Variants in AMY1A observed in about 807,000 individuals in gnomAD.
AMY1A encodes the protein amylase alpha 1A, also known as alpha-amylase 1A.
In AMY1A, 3 loss-of-function variants were observed where a neutral mutation model predicts 13.5. That is an observed-to-expected ratio of 0.22 (90% CI 0.10 to 0.57). The LOEUF is 0.57. AMY1A is among the 20% of genes least tolerant of loss of function. AMY1A has a pLI of 0.92. For missense variants in AMY1A, 9 were observed against 101.2 expected (o/e 0.09, Z 3.91); for synonymous variants, 3 against 29.4 (o/e 0.10, Z 2.90).
chr1:103,662,185 G>A (rs1295598861), intron 8 of AMY1A, among the ~76,000 whole-genome samples: 59 of 129,258 alleles, frequency 4.6e-4, no homozygotes, highest in Non-Finnish European at 8.5e-5. Context: ...CAGCTGACCT[G>A]AGGAGTTCAA....
At chr1:103,662,256 T>C (rs1267841140) in intron 8 of AMY1A, among the ~76,000 whole-genome samples, 1 of 137,758 alleles carries the variant, frequency 7.3e-6, no homozygotes, top group African/African-American at 2.6e-5. Flanking sequence ...AAAAAAAAAA[T>C]TAGCTGGGTG....
At chr1:103,660,506 T>C in intron 7 of AMY1A, 24 bp downstream of exon 7, 4 of 1,404,208 alleles carry the variant, frequency 2.8e-6, no homozygotes, top group South Asian at 1.3e-5. Flanking sequence ...TTCTCTATTT[T>C]TTTAACACCT....
intron 8 of AMY1A, among the ~76,000 whole-genome samples, chr1:103,662,189 A>G (rs1653424858): frequency 7.7e-6 from 1 of 129,880 alleles, no homozygotes; most frequent in South Asian, 2.5e-4. Flanking sequence ...TGACCTGAGG[A>G]GTTCAAGACC....
At chr1:103,662,373 C>A (rs1258073932) in intron 8 of AMY1A, among the ~76,000 whole-genome samples, 8 of 99,050 alleles carry the variant, frequency 8.1e-5, no homozygotes, top group African/African-American at 2.3e-4. Flanking sequence ...CCACTGTACT[C>A]CAGCCTGGGT....
chr1:103,660,526 A>C lies in AMY1A; in HGVS notation c.1001+44A>C, dbSNP rs375249324. ...TATTTTTTTAACACCTCTTTTAATGATGGTATGAATATTGTGATATTCTAT... is the reference window on the plus strand; with the variant it reads ...TATTTTTTTAACACCTCTTTTAATGCTGGTATGAATATTGTGATATTCTAT... On this transcript the variant is annotated intron_variant, in intron 7 of 10. Transcript: ENST00000370083. 1.1e-5 allele frequency: 16 copies of C among 1,397,256 alleles called. 3 individuals carry two copies. The highest frequency in any genetic ancestry group is 1.5e-5 in the Non-Finnish European group (16 of 1,035,362). The allele number at this position is 1,397,256 out of a possible 1,614,324, so 86.6% of individuals were successfully genotyped here. A position where few individuals can be genotyped will look rare whatever the true frequency, so the allele number is the denominator to read the frequency against.
chr1:103,663,981 C>T, intron 10 of AMY1A, among the ~76,000 whole-genome samples: 1 of 39,500 alleles, frequency 2.5e-5, no homozygotes. Flanking sequence ...AAAATAATAC[C>T]CTTTAAATTT....
chr1:103,660,508 T>C, intron 7 of AMY1A, 26 bp downstream of exon 7: 1 of 1,403,744 alleles, frequency 7.1e-7, no homozygotes, highest in Non-Finnish European at 9.6e-7. Flanking sequence ...CTCTATTTTT[T>C]TAACACCTCT....
intron 8 of AMY1A, among the ~76,000 whole-genome samples, chr1:103,662,215 G>A (rs1653425582): frequency 7.4e-6 from 1 of 134,772 alleles, no homozygotes; most frequent in African/African-American, 2.6e-5. Flanking sequence ...GGGCAAGCTA[G>A]CAAGACCTTG....
chr1:103,662,308 G>A (rs1315231919), intron 8 of AMY1A, among the ~76,000 whole-genome samples: 4 of 131,444 alleles, frequency 3.0e-5, no homozygotes, highest in Non-Finnish European at 5.0e-5. Context: ...GGGAGGCTGA[G>A]ATGGGAGGTT....
rs1335919571 is a variant in AMY1A, at chr1:103,660,540, G to A, written c.1002-37G>A. On this transcript the variant is annotated intron_variant, in intron 7 of 10. Coordinates refer to ENST00000370083, the MANE Select transcript of AMY1A (RefSeq NM_004038.4). ...CTCTTTTAATGATGGTATGAATATT[G>A]TGATATTCTATGATAATATAATTAT... is the stretch of plus-strand genomic sequence containing the variant. 2.2e-6 allele frequency: 3 copies of A among 1,373,900 alleles called. 1 individual carries two copies. Among genetic ancestry groups the A allele is most frequent in the Non-Finnish European group, 2.9e-6 (3 of 1,018,464 alleles). The allele number at this position is 1,373,900 out of a possible 1,614,324, so 85.1% of individuals were successfully genotyped here.
At chr1:103,660,851 T>A (rs1653404251) in intron 8 of AMY1A, among the ~76,000 whole-genome samples, 175 bp downstream of exon 8, 1 of 99,476 alleles carries the variant, frequency 1.0e-5, no homozygotes, top group Non-Finnish European at 2.3e-5. Context: ...ATAAACTTTA[T>A]ATTCTCCATT....
chr1:103,660,484 T>TA lies in AMY1A; in HGVS notation c.1001+8dup, dbSNP rs775920485. On this transcript the variant is annotated splice_region_variant and intron_variant, in intron 7 of 10. Coordinates refer to ENST00000370083, the MANE Select transcript of AMY1A (RefSeq NM_004038.4). ...TATACTTACCTTCTGGGATGCTAGG[T>TA]AAAAAACCAAGTTCTCTATTTTTTT... 4.3e-6 allele frequency: 6 copies of TA among 1,406,088 alleles called. 3 individuals are homozygous for TA. The highest frequency in any genetic ancestry group is 1.9e-6 in the Non-Finnish European group (2 of 1,039,844). 87.1% of individuals were successfully genotyped at this position (1,406,088 alleles called of 1,614,324 possible).
intron 8 of AMY1A, among the ~76,000 whole-genome samples, chr1:103,662,096 A>G (rs1434838008): frequency 1.2e-5 from 1 of 85,330 alleles, no homozygotes; most frequent in Non-Finnish European, 2.5e-5. Flanking sequence ...GCTTACAGTG[A>G]TGTTAAGAAG....
Position 103,660,849 on chromosome 1 carries a change from TA to T in AMY1A, c.1101+174del, listed in dbSNP as rs1653404199. On this transcript the variant is annotated intron_variant, in intron 8 of 10. Coordinates refer to ENST00000370083, the MANE Select transcript of AMY1A (RefSeq NM_004038.4). The stretch of plus-strand genomic sequence containing the variant: ...CAGGTTATATTAAAGGAATAAACTT[TA>T]TATTCTCCATTGAAAAAGAATAGCA... Among the ~76,000 whole-genome samples, 2 of 99,876 alleles carry T rather than the reference TA, an allele frequency of 2.0e-5. 1 individual carries two copies. Among genetic ancestry groups the T allele is most frequent in the Non-Finnish European group, 4.5e-5 (2 of 44,164 alleles). The allele number at this position is 99,876 out of a possible 152,430, so 65.5% of individuals were successfully genotyped here.
intron 10 of AMY1A, among the ~76,000 whole-genome samples, chr1:103,663,795 C>CA (rs1269973563): frequency 1.3e-4 from 3 of 23,826 alleles, no homozygotes; most frequent in African/African-American, 1.1e-3. Flanking sequence ...TCTTTCCTGC[C>CA]AAAAAAATGC....
chr1:103,660,444 C>A lies in AMY1A; in HGVS notation c.963C>A (p.Gly321=), dbSNP rs138704923. ...ACCATGACAATCAACGAGGACATGG[C>A]GCTGGAGGAGCCTCTATACTTACCT... ...VDNHDNQRGH[G]AGGASILTFW... The change falls in exon 7 of 11, where the codon GGC becomes GGA. Residue 321 remains glycine, a synonymous_variant. Coordinates refer to ENST00000370083, the MANE Select transcript of AMY1A (RefSeq NM_004038.4). 6 of 1,399,304 alleles carry A rather than the reference C, an allele frequency of 4.3e-6. 1 individual carries two copies. Among genetic ancestry groups the A allele is most frequent in the Non-Finnish European group, 5.8e-6 (6 of 1,036,788 alleles). The allele number at this position is 1,399,304 out of a possible 1,614,324, so 86.7% of individuals were successfully genotyped here. A position where few individuals can be genotyped will look rare whatever the true frequency, so the allele number is the denominator to read the frequency against.
intron 8 of AMY1A, among the ~76,000 whole-genome samples, chr1:103,662,330 C>G (rs1195199942): frequency 8.0e-6 from 1 of 125,392 alleles, no homozygotes; most frequent in Non-Finnish European, 1.8e-5. Flanking sequence ...GCTTGAGCCT[C>G]GGAGATCAAG....
intron 6 of AMY1A, among the ~76,000 whole-genome samples, 165 bp from the exon 7 acceptor site, chr1:103,660,195 T>TTG (rs1293080120): frequency 6.3e-5 from 2 of 31,932 alleles, no homozygotes; most frequent in South Asian, 2.9e-3. Context: ...GAGTGTGTGT[T>TTG]TGTGTGTGTG....
chr1:103,662,365 A>G (rs1411077460), intron 8 of AMY1A, among the ~76,000 whole-genome samples: 1 of 109,682 alleles, frequency 9.1e-6, no homozygotes, highest in Non-Finnish European at 2.0e-5. Flanking sequence ...CGATCATGCC[A>G]CTGTACTCCA....
Sources: gnomAD v4.1 joint callset for allele counts (sites outside exome capture counted in the v4.1 genomes callset) on GRCh38, gnomAD v4.1.1 for gene constraint, MANE v1.5 for transcripts, NCBI Gene and HGNC (gene_info 2026-07-23, HGNC 2026-07-21) for gene names.